Variants in RBFOX3 observed in about 807,000 individuals in gnomAD.
RBFOX3 encodes RNA binding protein fox-1 homolog 3.
Under a neutral mutation model 48.7 loss-of-function variants are expected in RBFOX3, and 17 were observed. The ratio of observed to expected loss-of-function variants is 0.35; its 90% confidence interval spans 0.24 to 0.52. The LOEUF (loss-of-function observed/expected upper bound fraction) is 0.52, where lower values mean the gene tolerates loss of function less well. Ranked by LOEUF, RBFOX3 falls within the 20% of genes least tolerant of loss-of-function variation. RBFOX3 has a pLI of 0.94. For missense variants in RBFOX3, 382 were observed against 497.5 expected, an observed-to-expected ratio of 0.77 and a Z score of 2.21; for synonymous variants, 212 against 209.5, an observed-to-expected ratio of 1.01 and a Z score of -0.10.
chr17:79,328,350 C>T (rs1333185378), intron 2 of RBFOX3, among the ~76,000 whole-genome samples: 2 of 152,222 alleles, frequency 1.3e-5, no homozygotes, highest in Non-Finnish European at 2.9e-5. Flanking sequence ...CCACACCGTC[C>T]ATTGTGGCAG....
intron 1 of RBFOX3, among the ~76,000 whole-genome samples, chr17:79,487,369 C>G (rs1344940633): frequency 6.6e-6 from 1 of 152,188 alleles, no homozygotes; most frequent in Non-Finnish European, 1.5e-5. Flanking sequence ...GAAGCGTGGA[C>G]TTGTGTTGAC....
chr17:79,124,712 C>A (rs1426422618), intron 4 of RBFOX3, among the ~76,000 whole-genome samples: 1 of 152,226 alleles, frequency 6.6e-6, no homozygotes, highest in Non-Finnish European at 1.5e-5. Context: ...CTGGGAGTGG[C>A]TGGCCTGCCA....
rs2088604502 is a variant in RBFOX3 at position 79,535,695 on chromosome 17, G to A, written c.-319-53097C>T. On this transcript the variant is annotated intron_variant, in intron 1 of 14. Coordinates refer to ENST00000693108, the MANE Select transcript of RBFOX3 (RefSeq NM_001350451.2). This position sits in a 1 kb window ranked among gnomAD's most constrained non-coding sequence, Gnocchi z 4.5. ...GCAGCCAGGCAAGGTTGCCTGTGTT[G>A]GGGACAGTCAATCGGACATAGGAAT... is the stretch of plus-strand genomic sequence containing the variant. Among the ~76,000 whole-genome samples the A allele has an allele frequency of 6.6e-6, 1 of 152,198 alleles. No homozygotes were observed. Among genetic ancestry groups the A allele is most frequent in the Admixed American group, 6.5e-5 (1 of 15,284 alleles).
chr17:79,133,775 A>G (rs1291625596), intron 4 of RBFOX3, among the ~76,000 whole-genome samples: 1 of 152,194 alleles, frequency 6.6e-6, no homozygotes, highest in African/African-American at 2.4e-5. Flanking sequence ...TGGCAAGAAC[A>G]TCATCCAGGC....
chr17:79,185,218 C>T lies in RBFOX3; in HGVS notation c.-34+50548G>A, dbSNP rs145913985. Among the ~76,000 whole-genome samples, 455 of 152,320 alleles carry T rather than the reference C, an allele frequency of 3.0e-3. 2 individuals are homozygous for T. Among genetic ancestry groups the T allele is most frequent in the African/African-American group, 0.01 (419 of 41,580 alleles). On this transcript the variant is annotated intron_variant, in intron 4 of 14. Coordinates refer to ENST00000693108, the MANE Select transcript of RBFOX3 (RefSeq NM_001350451.2). Reference sequence around the variant, plus strand: ...TGGCCATCTAGCCGTGTGGTCTGACCTGCAATCCTGCTCTGTGTTCCCTCT... The same window carrying T: ...TGGCCATCTAGCCGTGTGGTCTGACTTGCAATCCTGCTCTGTGTTCCCTCT...
At chr17:79,469,222 T>A (rs2076755270) in intron 2 of RBFOX3, among the ~76,000 whole-genome samples, 1 of 152,136 alleles carries the variant, frequency 6.6e-6, no homozygotes, top group Non-Finnish European at 1.5e-5. Context: ...TGACATCGAG[T>A]TGGCAGCAGA....
At position 79,479,229 on chromosome 17, in the gene RBFOX3, G is replaced by C. The variant is rs1168238540; in HGVS notation, c.-175+3225C>G. On this transcript the variant is annotated intron_variant, in intron 2 of 14. Coordinates refer to ENST00000693108, the MANE Select transcript of RBFOX3 (RefSeq NM_001350451.2). This position sits in a 1 kb window ranked among gnomAD's most constrained non-coding sequence, Gnocchi z 5.1. Reference sequence around the variant, plus strand: ...CCAGAGCTCTGGTAGCCCAAGGGGTGGTTTTGGCGGCCCCTTCTCTGAAGC... The same window carrying C: ...CCAGAGCTCTGGTAGCCCAAGGGGTCGTTTTGGCGGCCCCTTCTCTGAAGC... Among the ~76,000 whole-genome samples, 4 of 152,312 alleles carry C rather than the reference G, an allele frequency of 2.6e-5. No individual in the cohort carries two copies. The East Asian group carries it at 5.8e-4, about 22-fold the overall frequency.
chr17:79,581,359 C>G (rs1278036747), intron 1 of RBFOX3, among the ~76,000 whole-genome samples: 2 of 152,254 alleles, frequency 1.3e-5, no homozygotes, highest in African/African-American at 4.8e-5. Flanking sequence ...AAGACTTCCC[C>G]TCGGGCTCAA....
chr17:79,117,900 T>G (rs183702834), intron 4 of RBFOX3, among the ~76,000 whole-genome samples: 289 of 152,332 alleles, frequency 1.9e-3, no homozygotes, highest in Non-Finnish European at 3.5e-3. Flanking sequence ...CACTGAGGGC[T>G]GCAAGGGACC....
At chr17:79,450,912 G>C (rs1481083185) in intron 2 of RBFOX3, among the ~76,000 whole-genome samples, 1 of 152,188 alleles carries the variant, frequency 6.6e-6, no homozygotes, top group Non-Finnish European at 1.5e-5. Flanking sequence ...ACAAATTCAA[G>C]AAGTAAAACC....
At chr17:79,635,059 C>CA in the RBFOX3 span, among the ~76,000 whole-genome samples, 1 of 53,494 alleles carries the variant, frequency 1.9e-5, no homozygotes, top group African/African-American at 5.4e-5. Context: ...GACTCCATCT[C>CA]AAAAAAAAAA....
intron 2 of RBFOX3, among the ~76,000 whole-genome samples, chr17:79,435,086 T>G (rs1174197853): frequency 6.6e-6 from 1 of 152,258 alleles, no homozygotes; most frequent in African/African-American, 2.4e-5. Flanking sequence ...CTTCCCCTTT[T>G]CCTTCAATCT....
Position 79,220,457 on chromosome 17 carries a change from G to A in RBFOX3, c.-34+15309C>T, listed in dbSNP as rs146783364. ...TTATTTCCCCAGGTTGCTCAGCTCCGTGCCTGCTCTCCGCTCGCCCATCGA... is the reference window on the plus strand; with the variant it reads ...TTATTTCCCCAGGTTGCTCAGCTCCATGCCTGCTCTCCGCTCGCCCATCGA... On this transcript the variant is annotated intron_variant, in intron 4 of 14. Transcript: ENST00000693108. This position sits in a 1 kb window ranked among gnomAD's most constrained non-coding sequence, Gnocchi z 5.9. Among the ~76,000 whole-genome samples, 529 of 152,222 alleles carry A rather than the reference G, an allele frequency of 3.5e-3. 3 individuals are homozygous for A. Among genetic ancestry groups the A allele is most frequent in the Middle Eastern group, 0.017 (5 of 294 alleles).
chr17:79,568,985 C>T (rs2092568269), intron 1 of RBFOX3, among the ~76,000 whole-genome samples: 2 of 152,018 alleles, frequency 1.3e-5, no homozygotes, highest in African/African-American at 2.4e-5. Flanking sequence ...GCCTTCTCCT[C>T]AACCCACCCA....
At chr17:79,302,822 C>T (rs1279843078) in intron 3 of RBFOX3, among the ~76,000 whole-genome samples, 1 of 152,032 alleles carries the variant, frequency 6.6e-6, no homozygotes, top group Non-Finnish European at 1.5e-5. Flanking sequence ...TAAATTATTC[C>T]CAAGTAAGGG....
intron 2 of RBFOX3, among the ~76,000 whole-genome samples, chr17:79,357,390 G>A (rs1454242916): frequency 6.6e-6 from 1 of 152,256 alleles, no homozygotes; most frequent in African/African-American, 2.4e-5. Flanking sequence ...TACTTTGGGA[G>A]GCCAAGGCAG....
chr17:79,102,257 G>C (rs1276034960), intron 8 of RBFOX3, among the ~76,000 whole-genome samples: 1 of 152,214 alleles, frequency 6.6e-6, no homozygotes, highest in Non-Finnish European at 1.5e-5. Context: ...TGGAGAAGAC[G>C]AGGCATGTGT....
the RBFOX3 span, among the ~76,000 whole-genome samples, chr17:79,656,169 G>T: frequency 1.7e-4 from 26 of 152,278 alleles, no homozygotes; most frequent in East Asian, 1.5e-3. Context: ...CAACCCAGGG[G>T]CCGGCCAACT....
chr17:79,282,137 A>G (rs764904995), intron 3 of RBFOX3, among the ~76,000 whole-genome samples: 1 of 152,182 alleles, frequency 6.6e-6, no homozygotes, highest in Non-Finnish European at 1.5e-5. Flanking sequence ...GAATCCAGGC[A>G]GTTCTGGAGG....
Sources: allele counts gnomAD v4.1 joint callset (sites outside exome capture counted in the v4.1 genomes callset), GRCh38; gene constraint gnomAD v4.1.1; non-coding constraint Gnocchi (gnomAD v3.1); transcripts MANE v1.5; gene names NCBI Gene and HGNC (gene_info 2026-07-23, HGNC 2026-07-21).